Variants in PDZRN4 observed in about 807,000 individuals in gnomAD.
PDZRN4 encodes PDZ domain containing ring finger 4.
A neutral mutation model predicts 99.0 loss-of-function variants in PDZRN4; 70 were observed. The ratio of observed to expected loss-of-function variants is 0.71; its 90% CI spans 0.58 to 0.86. PDZRN4 has a LOEUF of 0.86. Ranked by LOEUF, PDZRN4 falls within the 40% of genes least tolerant of loss-of-function variation. The pLI is 0.00. For synonymous variants in PDZRN4, 551 were observed against 501.6 expected (o/e 1.10, Z -1.32); for missense variants, 1,474 against 1,331.2 (o/e 1.11, Z -1.67).
intron 3 of PDZRN4, among the ~76,000 whole-genome samples, chr12:41,289,278 G>A (rs1212890061): frequency 6.6e-6 from 1 of 152,166 alleles, no homozygotes. Flanking sequence ...CAATGTAATA[G>A]TATGACTTAT....
intron 7 of PDZRN4, among the ~76,000 whole-genome samples, chr12:41,556,486 C>T (rs535164628): frequency 1.3e-5 from 2 of 152,288 alleles, no homozygotes; most frequent in South Asian, 2.1e-4. Context: ...GTAATTGTGA[C>T]ACAATGGTAA....
chr12:41,505,998 A>G (rs958056203), intron 3 of PDZRN4, among the ~76,000 whole-genome samples: 3 of 152,190 alleles, frequency 2.0e-5, no homozygotes, highest in Admixed American at 1.3e-4. Flanking sequence ...GTCTTGGATT[A>G]AAACATTATG....
At chr12:41,301,837 C>A (rs1260391649) in intron 3 of PDZRN4, among the ~76,000 whole-genome samples, 1 of 152,018 alleles carries the variant, frequency 6.6e-6, no homozygotes, top group Admixed American at 6.6e-5. Context: ...AGATCAAACC[C>A]TCATAATTTT....
At chr12:41,408,816 G>GCT (rs976849458) in intron 3 of PDZRN4, among the ~76,000 whole-genome samples, 10 of 142,850 alleles carry the variant, frequency 7.0e-5, no homozygotes, top group African/African-American at 2.1e-4. Context: ...TCTCTCTTGC[G>GCT]CTCTCTCTCT....
intron 3 of PDZRN4, among the ~76,000 whole-genome samples, chr12:41,297,313 A>G (rs1951502687): frequency 1.3e-5 from 2 of 152,204 alleles, no homozygotes; most frequent in South Asian, 4.1e-4. Context: ...GGACAGAGAC[A>G]ATAACATTGG....
chr12:41,188,936 G>A lies in PDZRN4; in HGVS notation c.481G>A (p.Gly161Arg). The change falls in exon 1 of 10, where the codon GGG becomes AGG. Residue 161 changes from glycine (G) to arginine (R), a missense_variant. Physicochemically the swap from Gly to Arg is moderately radical, Grantham distance 125 (BLOSUM62 -2). Coordinates refer to ENST00000402685, the MANE Select transcript of PDZRN4 (RefSeq NM_001164595.2). Reference protein sequence around the residue: ...GGRWGRGRGPGPRVLAWRRRE... With the variant: ...GGRWGRGRGPRPRVLAWRRRE... The stretch of plus-strand genomic sequence containing the variant: ...CCGCTGGGGCCGCGGGCGGGGACCC[G>A]GGCCTCGGGTCCTCGCCTGGAGGCG... The A allele has an allele frequency of 4.8e-6, 6 of 1,255,146 alleles. No homozygotes were observed. The highest frequency in any genetic ancestry group is 6.0e-6 in the Non-Finnish European group (6 of 1,000,034). The allele number at this position is 1,255,146 out of a possible 1,614,324, so 77.8% of individuals were successfully genotyped here.
chr12:41,386,663 C>G (rs1003116688), intron 3 of PDZRN4, among the ~76,000 whole-genome samples: 1 of 152,056 alleles, frequency 6.6e-6, no homozygotes, highest in Admixed American at 6.6e-5. Flanking sequence ...CCTGAATAAC[C>G]AAGGGCAATC....
intron 5 of PDZRN4, among the ~76,000 whole-genome samples, chr12:41,544,028 A>G (rs745567893): frequency 2.0e-5 from 3 of 152,262 alleles, no homozygotes; most frequent in African/African-American, 7.2e-5. Context: ...TGGACCAGAA[A>G]TAACTACTGT....
Position 41,426,204 on chromosome 12 carries a change from A to C in PDZRN4, c.844-80252A>C, listed in dbSNP as rs190923760. On this transcript the variant is annotated intron_variant, in intron 3 of 9. Transcript: ENST00000402685. ...CCTGTTACCCAGTAAACAGCATTTA[A>C]TTCTCTTTGCCTGTCACCAACAGCT... Among the ~76,000 whole-genome samples the C allele has an allele frequency of 6.7e-3, 1,023 of 152,310 alleles. 13 individuals carry two copies. Among genetic ancestry groups the C allele is most frequent in the African/African-American group, 0.024 (977 of 41,572 alleles).
At chr12:41,553,962 A>T (rs1939101057) in intron 6 of PDZRN4, among the ~76,000 whole-genome samples, 1 of 152,152 alleles carries the variant, frequency 6.6e-6, no homozygotes, top group Non-Finnish European at 1.5e-5. Flanking sequence ...CCTGCTTAGA[A>T]TGTGGAAGAG....
intron 3 of PDZRN4, among the ~76,000 whole-genome samples, chr12:41,278,538 A>G (rs1392853968): frequency 6.6e-6 from 1 of 152,218 alleles, no homozygotes; most frequent in Non-Finnish European, 1.5e-5. Context: ...CACTGTCCCT[A>G]AAACCCTGCT....
At chr12:41,282,412 C>T (rs1481488451) in intron 3 of PDZRN4, among the ~76,000 whole-genome samples, 1 of 152,080 alleles carries the variant, frequency 6.6e-6, no homozygotes, top group Non-Finnish European at 1.5e-5. Context: ...GACTACCACA[C>T]AATAATAGGG....
At chr12:41,246,642 A>C (rs901477621) in intron 3 of PDZRN4, among the ~76,000 whole-genome samples, 3 of 152,158 alleles carry the variant, frequency 2.0e-5, no homozygotes, top group African/African-American at 7.2e-5. Flanking sequence ...CAGGGGCTTG[A>C]CATCACAACC....
At chr12:41,518,104 G>T (rs1223531602) in intron 5 of PDZRN4, among the ~76,000 whole-genome samples, 1 of 151,962 alleles carries the variant, frequency 6.6e-6, no homozygotes, top group East Asian at 1.9e-4. Flanking sequence ...TGAATGAGTG[G>T]AATCCTAAAG....
At chr12:41,210,991 T>A (rs1950884384) in intron 3 of PDZRN4, among the ~76,000 whole-genome samples, 1 of 152,026 alleles carries the variant, frequency 6.6e-6, no homozygotes, top group African/African-American at 2.4e-5. Context: ...CAAATGTAAT[T>A]TCTAAAACAT....
intron 3 of PDZRN4, among the ~76,000 whole-genome samples, chr12:41,345,314 T>C (rs1037713294): frequency 3.3e-5 from 5 of 152,154 alleles, no homozygotes; most frequent in African/African-American, 1.2e-4. Context: ...TTCTTATAAA[T>C]TCATGACCCA....
At chr12:41,407,407 T>C (rs1415336812) in intron 3 of PDZRN4, among the ~76,000 whole-genome samples, 3 of 152,188 alleles carry the variant, frequency 2.0e-5, no homozygotes, top group Non-Finnish European at 4.4e-5. Context: ...ATAGTTACCA[T>C]GGCAACCCTG....
chr12:41,188,354 C>T lies in PDZRN4; in HGVS notation c.-102C>T. On this transcript the variant is annotated 5_prime_UTR_variant, in exon 1 of 10. Coordinates refer to ENST00000402685, the MANE Select transcript of PDZRN4 (RefSeq NM_001164595.2). The stretch of plus-strand genomic sequence containing the variant: ...CCCACCCGCCACCTCCCTCCACTGC[C>T]GCCGCCGCGAGACGGCTGCCCCGGG... 2 of 1,172,236 alleles carry T rather than the reference C, an allele frequency of 1.7e-6. No homozygotes were observed. The highest frequency in any genetic ancestry group is 2.8e-5 in the East Asian group (1 of 36,342). 72.6% of individuals were successfully genotyped at this position (1,172,236 alleles called of 1,614,324 possible). A position where few individuals can be genotyped will look rare whatever the true frequency, so the allele number is the denominator to read the frequency against.
At chr12:41,242,940 A>T (rs1951110257) in intron 3 of PDZRN4, among the ~76,000 whole-genome samples, 1 of 152,034 alleles carries the variant, frequency 6.6e-6, no homozygotes, top group Admixed American at 6.5e-5. Context: ...TTCTTAATAA[A>T]CTTCTGGCTC....
Sources: allele counts gnomAD v4.1 joint callset (sites outside exome capture counted in the v4.1 genomes callset), GRCh38; gene constraint gnomAD v4.1.1; transcripts MANE v1.5; gene names NCBI Gene and HGNC (gene_info 2026-07-23, HGNC 2026-07-21).